The following MECOM variants were observed in gnomAD, a reference collection of about 807,000 sequenced individuals.
MECOM encodes MDS1 and EVI1 complex locus.
Under a neutral mutation model 116.3 loss-of-function variants are expected in MECOM, and 13 were observed. The ratio of observed to expected loss-of-function variants is 0.11; its 90% CI spans 0.07 to 0.18. The LOEUF is 0.18. Among genes scored for constraint, MECOM ranks in the 10% least tolerant of loss-of-function variants. The pLI, the probability that MECOM is intolerant of heterozygous loss-of-function variation, is 1.00. For synonymous variants in MECOM, 528 were observed against 535.2 expected, an observed-to-expected ratio of 0.99 and a Z score of 0.19; for missense variants, 1,299 against 1,509.0, an observed-to-expected ratio of 0.86 and a Z score of 2.31.
chr3:169,093,429 T>C (rs1720433279), intron 13 of MECOM, among the ~76,000 whole-genome samples: 1 of 152,338 alleles, frequency 6.6e-6, no homozygotes, highest in Admixed American at 6.5e-5. Flanking sequence ...AGACAAATTA[T>C]GAACAAGTTT....
At chr3:169,541,929 T>G (rs1393471734) in intron 1 of MECOM, among the ~76,000 whole-genome samples, 2 of 152,194 alleles carry the variant, frequency 1.3e-5, no homozygotes, top group South Asian at 2.1e-4. Flanking sequence ...CCCACGGTAT[T>G]TACATAGATA....
chr3:169,620,636 C>A (rs899170616), intron 1 of MECOM, among the ~76,000 whole-genome samples: 1 of 152,202 alleles, frequency 6.6e-6, no homozygotes, highest in South Asian at 2.1e-4. Flanking sequence ...AGGAAGTAAC[C>A]ACAGCCAAAA....
intron 1 of MECOM, among the ~76,000 whole-genome samples, chr3:169,627,068 T>C (rs1771470339): frequency 6.6e-6 from 1 of 152,252 alleles, no homozygotes; most frequent in Non-Finnish European, 1.5e-5. Flanking sequence ...CAATTAATCA[T>C]TTTAAGTTCT....
intron 5 of MECOM, among the ~76,000 whole-genome samples, chr3:169,126,903 C>T (rs1733066531): frequency 6.6e-6 from 1 of 151,946 alleles, no homozygotes; most frequent in South Asian, 2.1e-4. Context: ...TGAGTAATTC[C>T]CATTCTTGAG....
chr3:169,146,805 C>G, intron 2 of MECOM: 1 of 1,108,432 alleles, frequency 9.0e-7, no homozygotes. Context: ...AATCAGCAGC[C>G]CCCAACGCTC....
intron 2 of MECOM, among the ~76,000 whole-genome samples, chr3:169,238,174 CAAA>C (rs869078937): frequency 8.3e-5 from 6 of 72,068 alleles, no homozygotes; most frequent in Non-Finnish European, 6.4e-5. Context: ...GACTCCATCT[CAAA>C]AAAAAAAAAA....
intron 1 of MECOM, among the ~76,000 whole-genome samples, chr3:169,553,630 T>C (rs1027378368): frequency 6.6e-6 from 1 of 152,188 alleles, no homozygotes; most frequent in Admixed American, 6.5e-5. Flanking sequence ...TCACATGGGG[T>C]GGCTTAAACA....
chr3:169,651,684 A>G (rs370138047), intron 1 of MECOM, among the ~76,000 whole-genome samples: 1 of 152,156 alleles, frequency 6.6e-6, no homozygotes, highest in Non-Finnish European at 1.5e-5. Flanking sequence ...GGTGCGGTGT[A>G]TACTGCTCAG....
At chr3:169,655,126 C>A (rs1033652626) in intron 1 of MECOM, among the ~76,000 whole-genome samples, 3 of 152,238 alleles carry the variant, frequency 2.0e-5, no homozygotes, top group African/African-American at 7.2e-5. Flanking sequence ...GGCCCTGAAC[C>A]CCCTTGCCCA....
intron 12 of MECOM, among the ~76,000 whole-genome samples, chr3:169,100,574 G>A (rs1240413839): frequency 6.6e-6 from 1 of 152,044 alleles, no homozygotes; most frequent in Non-Finnish European, 1.5e-5. Flanking sequence ...TGAGAAAAGA[G>A]AACAAATGAT....
At chr3:169,590,266 T>C (rs1276029074) in intron 1 of MECOM, among the ~76,000 whole-genome samples, 1 of 152,234 alleles carries the variant, frequency 6.6e-6, no homozygotes, top group Non-Finnish European at 1.5e-5. Context: ...AGCCTGCTCT[T>C]ATAGGCATGA....
chr3:169,480,866 A>AT (rs1188979737), intron 1 of MECOM, among the ~76,000 whole-genome samples: 1 of 147,974 alleles, frequency 6.8e-6, no homozygotes, highest in African/African-American at 2.5e-5. Context: ...AAAAGATGCC[A>AT]TTTTTCCTGG....
intron 14 of MECOM, among the ~76,000 whole-genome samples, chr3:169,091,532 T>C (rs1016951102): frequency 5.3e-5 from 8 of 152,088 alleles, no homozygotes; most frequent in African/African-American, 1.9e-4. Context: ...GTAAATATCA[T>C]TATCAAAGTA....
At chr3:169,510,446 G>A (rs1232606094) in intron 1 of MECOM, among the ~76,000 whole-genome samples, 1 of 152,208 alleles carries the variant, frequency 6.6e-6, no homozygotes, top group Non-Finnish European at 1.5e-5. Flanking sequence ...AATCCAAGTT[G>A]AGTGAACTTC....
At chr3:169,378,475 A>G (rs190875377) in intron 2 of MECOM, among the ~76,000 whole-genome samples, 7,724 of 43,072 alleles carry the variant, frequency 0.18, 1,245 homozygotes, top group African/African-American at 0.26. Context: ...GCAAGCAAGC[A>G]AGAAAGAGAG....
intron 2 of MECOM, chr3:169,145,143 A>AACACACACAC (rs67598122): frequency 2.0e-6 from 1 of 502,662 alleles, no homozygotes; most frequent in Admixed American, 3.7e-5. Flanking sequence ...GATATTATTA[A>AACACACACAC]ACACACACAC....
intron 1 of MECOM, among the ~76,000 whole-genome samples, chr3:169,443,437 G>C (rs1188714111): frequency 6.6e-6 from 1 of 152,184 alleles, no homozygotes; most frequent in Admixed American, 6.5e-5. Flanking sequence ...AAATAGGTTT[G>C]CATTAAATAC....
intron 1 of MECOM, among the ~76,000 whole-genome samples, chr3:169,568,937 C>T (rs766353922): frequency 9.9e-5 from 15 of 152,076 alleles, no homozygotes; most frequent in Non-Finnish European, 1.6e-4. Context: ...CATCAACTAA[C>T]GGGCAAAATA....
rs201830613 is a variant in MECOM, at chr3:169,493,935, C to T, written c.38-112411G>A. 3.2e-3 allele frequency among the ~76,000 whole-genome samples: 485 copies of T among 151,660 alleles called. 5 individuals carry two copies. The highest frequency in any genetic ancestry group is 0.011 in the African/African-American group (462 of 41,348). On this transcript the variant is annotated intron_variant, in intron 1 of 16. Coordinates refer to ENST00000651503, the MANE Select transcript of MECOM (RefSeq NM_004991.4). ...ATGAGTGTGTTCAACCTGACAGTAA[C>T]GTGGTTAAATTAATCAAAGTACCAA... is the stretch of plus-strand genomic sequence containing the variant.
Sources: gnomAD v4.1 joint callset for allele counts (sites outside exome capture counted in the v4.1 genomes callset) on GRCh38, gnomAD v4.1.1 for gene constraint, MANE v1.5 for transcripts, NCBI Gene and HGNC (gene_info 2026-07-23, HGNC 2026-07-21) for gene names.